SLCO3A1: variants seen among roughly 807,000 people sequenced by gnomAD.
SLCO3A1 encodes PGE1 transporter.
In SLCO3A1, 27 loss-of-function variants were observed where a neutral mutation model predicts 63.1. The observed-to-expected ratio is 0.43, with a 90% CI of 0.32 to 0.59. SLCO3A1 has a LOEUF of 0.59. Ranked by LOEUF, SLCO3A1 falls within the 20% of genes least tolerant of loss-of-function variation. The pLI, the probability that SLCO3A1 is intolerant of heterozygous loss-of-function variation, is 0.09. For missense variants in SLCO3A1, 773 were observed against 945.8 expected, an observed-to-expected ratio of 0.82 and a Z score of 2.40; for synonymous variants, 473 against 409.9, an observed-to-expected ratio of 1.15 and a Z score of -1.86.
At chr15:91,987,852 G>T (rs2046074273) in intron 2 of SLCO3A1, among the ~76,000 whole-genome samples, 1 of 152,160 alleles carries the variant, frequency 6.6e-6, no homozygotes, top group East Asian at 1.9e-4. Flanking sequence ...GTTTTCCTGA[G>T]TCTTAAAAGA....
At chr15:92,121,000 G>T (rs73540477) in intron 5 of SLCO3A1, among the ~76,000 whole-genome samples, 1 of 152,062 alleles carries the variant, frequency 6.6e-6, no homozygotes, top group African/African-American at 2.4e-5. Flanking sequence ...GGCAGCATGA[G>T]ACCCATAGTT....
At chr15:92,117,586 A>G (rs2047810849) in intron 4 of SLCO3A1, among the ~76,000 whole-genome samples, 1 of 152,216 alleles carries the variant, frequency 6.6e-6, no homozygotes, top group Admixed American at 6.5e-5. Flanking sequence ...GGACATTCAA[A>G]TGTATTCATT....
At chr15:91,914,799 T>C (rs1427881995) in intron 1 of SLCO3A1, among the ~76,000 whole-genome samples, 1 of 152,164 alleles carries the variant, frequency 6.6e-6, no homozygotes, top group Non-Finnish European at 1.5e-5. Context: ...CTCGAACTCC[T>C]GGCCTCAAGT....
At chr15:91,917,885 G>T (rs80115907) in intron 2 of SLCO3A1, among the ~76,000 whole-genome samples, 2,002 of 152,318 alleles carry the variant, frequency 0.013, 59 homozygotes, top group African/African-American at 0.046. Flanking sequence ...TCACCCTAGG[G>T]CTCTGGGAGA....
intron 2 of SLCO3A1, among the ~76,000 whole-genome samples, chr15:92,002,848 A>G (rs28460283): frequency 6.6e-6 from 1 of 152,128 alleles, no homozygotes; most frequent in African/African-American, 2.4e-5. Context: ...ATAATATTAC[A>G]TGCACTGTGC....
In SLCO3A1 at chr15:91,886,556, T is replaced by C. The variant is rs113781260; in HGVS notation, c.181-29437T>C. On this transcript the variant is annotated intron_variant, in intron 1 of 9. Transcript: ENST00000318445. The surrounding 1 kb of genome is among the most constrained non-coding windows in gnomAD (Gnocchi z 4.9). Reference sequence around the variant, plus strand: ...TGCCCTTCCAAAGAGAGATGGAAGATTCAGCCTCAGCGTCAGTGTTGTTTC... The same window carrying C: ...TGCCCTTCCAAAGAGAGATGGAAGACTCAGCCTCAGCGTCAGTGTTGTTTC... Among the ~76,000 whole-genome samples the C allele has an allele frequency of 1.5e-3, 231 of 152,326 alleles. No individual in the cohort carries two copies. Among genetic ancestry groups the C allele is most frequent in the African/African-American group, 5.3e-3 (221 of 41,574 alleles).
intron 2 of SLCO3A1, among the ~76,000 whole-genome samples, chr15:91,995,733 G>GAAAAAA (rs34688452): frequency 2.5e-5 from 2 of 79,778 alleles, no homozygotes; most frequent in African/African-American, 4.5e-5. Flanking sequence ...AGATTTTCTT[G>GAAAAAA]AAAAAAAAAA....
At chr15:92,079,541 A>T (rs1015714077) in intron 2 of SLCO3A1, among the ~76,000 whole-genome samples, 4 of 152,160 alleles carry the variant, frequency 2.6e-5, no homozygotes, top group Admixed American at 1.3e-4. Flanking sequence ...ATCCCTAAGG[A>T]CACCCATCAG....
chr15:92,082,417 C>A (rs1396820273), intron 2 of SLCO3A1, among the ~76,000 whole-genome samples: 1 of 152,150 alleles, frequency 6.6e-6, no homozygotes, highest in East Asian at 1.9e-4. Context: ...GTTCAAGCAG[C>A]CTGGAATTGC....
intron 2 of SLCO3A1, among the ~76,000 whole-genome samples, chr15:91,962,079 G>A (rs530870918): frequency 3.3e-5 from 5 of 152,218 alleles, no homozygotes; most frequent in South Asian, 4.2e-4. Context: ...TCTCAGGCTC[G>A]CAGGGCCCAA....
At chr15:92,144,810 C>T (rs927598606) in intron 7 of SLCO3A1, among the ~76,000 whole-genome samples, 10 of 152,166 alleles carry the variant, frequency 6.6e-5, no homozygotes, top group African/African-American at 2.2e-4. Flanking sequence ...AGCACCGGCA[C>T]TCGTTCCTGG....
At chr15:92,056,874 C>T (rs1486565994) in intron 2 of SLCO3A1, among the ~76,000 whole-genome samples, 1 of 152,200 alleles carries the variant, frequency 6.6e-6, no homozygotes, top group Non-Finnish European at 1.5e-5. Flanking sequence ...CCCCTTCCCA[C>T]TTTTAGCTTT....
chr15:92,072,217 C>CT (rs1169211274), intron 2 of SLCO3A1, among the ~76,000 whole-genome samples: 6 of 135,466 alleles, frequency 4.4e-5, no homozygotes, highest in African/African-American at 1.7e-4. Context: ...TTTTTTTTTT[C>CT]CTCACTGGCT....
intron 9 of SLCO3A1, chr15:92,153,651 G>C (rs553268896): frequency 1.3e-5 from 2 of 152,386 alleles, no homozygotes; most frequent in South Asian, 4.1e-4. Flanking sequence ...AGTTGGCACA[G>C]GTGCAACAGG....
intron 5 of SLCO3A1, among the ~76,000 whole-genome samples, 169 bp from the exon 6 acceptor site, chr15:92,125,892 G>A (rs982290393): frequency 6.6e-6 from 1 of 151,774 alleles, no homozygotes; most frequent in Non-Finnish European, 1.5e-5. Context: ...AGCTCCCTGG[G>A]GGCATAAATC....
chr15:91,881,630 A>G (rs1359105625), intron 1 of SLCO3A1, among the ~76,000 whole-genome samples: 1 of 152,144 alleles, frequency 6.6e-6, no homozygotes, highest in Non-Finnish European at 1.5e-5. Context: ...CCACTCAGAG[A>G]AACCGTTGGA....
rs759290989 is a variant in SLCO3A1 at position 92,071,163 on chromosome 15, G to A, written c.647-23718G>A. ...GGACTAGAGAGTGAGCAGGAACTTTGGCCAGGACGTTGGAAATACCCTCCT... is the reference window on the plus strand; with the variant it reads ...GGACTAGAGAGTGAGCAGGAACTTTAGCCAGGACGTTGGAAATACCCTCCT... On this transcript the variant is annotated intron_variant, in intron 2 of 9. Coordinates refer to ENST00000318445, the MANE Select transcript of SLCO3A1 (RefSeq NM_013272.4). Among the ~76,000 whole-genome samples, 29 of 152,268 alleles carry A rather than the reference G, an allele frequency of 1.9e-4. No homozygotes were observed. The Middle Eastern group carries it at 0.01, about 54-fold the overall frequency.
In SLCO3A1 at chr15:92,104,469, C is replaced by A; in HGVS notation, c.936C>A (p.Pro312=). ...AMLSEREYER[P]KPSNGVLRHP... The stretch of plus-strand genomic sequence containing the variant: ...TCTCCGAAAGAGAATACGAGAGACC[C>A]AAGCCCAGCAACGGGGTCCTGAGGC... Residue 312 remains proline (P), a synonymous_variant, in exon 4 of 10, where the codon CCC becomes CCA. Coordinates refer to ENST00000318445, the MANE Select transcript of SLCO3A1 (RefSeq NM_013272.4). 6.2e-7 allele frequency: 1 copy of A among 1,614,140 alleles called. No individual in the cohort carries two copies. The highest frequency in any genetic ancestry group is 8.5e-7 in the Non-Finnish European group (1 of 1,180,036).
chr15:91,973,627 A>G (rs1555420055), intron 2 of SLCO3A1, among the ~76,000 whole-genome samples: 1 of 152,096 alleles, frequency 6.6e-6, no homozygotes, highest in Non-Finnish European at 1.5e-5. Flanking sequence ...GCACCTCATG[A>G]CGTTTGGCAG....
Sources: gnomAD v4.1 joint callset for allele counts (sites outside exome capture counted in the v4.1 genomes callset) on GRCh38, gnomAD v4.1.1 for gene constraint, Gnocchi (gnomAD v3.1) non-coding constraint, MANE v1.5 for transcripts, NCBI Gene and HGNC (gene_info 2026-07-23, HGNC 2026-07-21) for gene names.